CCDC102B: variants seen among roughly 807,000 people sequenced by gnomAD.
CCDC102B encodes coiled-coil domain containing 102B.
Under a neutral mutation model 57.4 loss-of-function variants are expected in CCDC102B, and 75 were observed. The observed-to-expected ratio is 1.31, with a 90% CI of 1.08 to 1.58. CCDC102B has a LOEUF of 1.58. CCDC102B is among the 40% of genes most tolerant of loss of function. The probability of loss-of-function intolerance (pLI) is 0.00; values close to 1 mark genes in which losing one functional copy is unlikely to be tolerated. For missense variants in CCDC102B, 636 were observed against 582.6 expected, an observed-to-expected ratio of 1.09 and a Z score of -0.94; for synonymous variants, 206 against 201.9, an observed-to-expected ratio of 1.02 and a Z score of -0.17.
chr18:68,920,418 G>T (rs1167926661), intron 6 of CCDC102B, among the ~76,000 whole-genome samples: 1 of 152,118 alleles, frequency 6.6e-6, no homozygotes, highest in African/African-American at 2.4e-5. Context: ...ATTATTAAAA[G>T]ACATTAGGTC....
chr18:68,949,272 A>G (rs1441149251), intron 6 of CCDC102B, among the ~76,000 whole-genome samples: 1 of 152,152 alleles, frequency 6.6e-6, no homozygotes, highest in Non-Finnish European at 1.5e-5. Context: ...TTGACACTCA[A>G]TATTAACCAT....
At chr18:69,025,961 G>A (rs765280582) in intron 7 of CCDC102B, among the ~76,000 whole-genome samples, 1 of 152,120 alleles carries the variant, frequency 6.6e-6, no homozygotes, top group African/African-American at 2.4e-5. Context: ...TACAAGGGGT[G>A]CCTATGTGAG....
chr18:68,747,979 C>T (rs1180997145), intron 2 of CCDC102B, among the ~76,000 whole-genome samples: 2 of 152,090 alleles, frequency 1.3e-5, no homozygotes, highest in Non-Finnish European at 2.9e-5. Flanking sequence ...TAAATTTCCA[C>T]CAACACTGTT....
In CCDC102B at chr18:68,761,246, T is replaced by C. The variant is rs550369682; in HGVS notation, c.-67+44652T>C. Among the ~76,000 whole-genome samples, 14 of 152,282 alleles carry C rather than the reference T, an allele frequency of 9.2e-5. No homozygotes were observed. In the South Asian group the frequency reaches 2.7e-3, roughly 29 times the overall value. On this transcript the variant is annotated intron_variant, in intron 2 of 3. Transcript: ENST00000578970. ...CGATATGTATTATTTTTATTTTCTCTAATTATACATTTTTAAACATTCGTC... is the reference window on the plus strand; with the variant it reads ...CGATATGTATTATTTTTATTTTCTCCAATTATACATTTTTAAACATTCGTC...
rs189568294 is a variant in CCDC102B, at chr18:68,765,328, A to G, written c.-67+48734A>G. ...AGGAAGGAAGGAAGGAAGGAAGGAA[A>G]GAAAGAAAGAAAGAAAGAAAGAAAG... is the stretch of plus-strand genomic sequence containing the variant. On this transcript the variant is annotated intron_variant, in intron 2 of 3. Coordinates refer to the CCDC102B transcript ENST00000578970. Among the ~76,000 whole-genome samples, 665 of 70,122 alleles carry G rather than the reference A, an allele frequency of 9.5e-3. 6 individuals are homozygous for G. The highest frequency in any genetic ancestry group is 0.017 in the African/African-American group (350 of 20,942). 46.0% of individuals were successfully genotyped at this position (70,122 alleles called of 152,430 possible).
At chr18:68,869,923 T>C (rs1003489129) in intron 4 of CCDC102B, among the ~76,000 whole-genome samples, 1 of 152,166 alleles carries the variant, frequency 6.6e-6, no homozygotes, top group Non-Finnish European at 1.5e-5. Context: ...AAGGGTCCAG[T>C]TTCAGTTTTC....
intron 4 of CCDC102B, among the ~76,000 whole-genome samples, chr18:68,873,486 G>T (rs1376438728): frequency 6.6e-6 from 1 of 151,944 alleles, no homozygotes; most frequent in Non-Finnish European, 1.5e-5. Context: ...AATGCATTTG[G>T]CAAGAACTTT....
intron 2 of CCDC102B, among the ~76,000 whole-genome samples, chr18:68,752,848 T>A (rs1007038639): frequency 6.4e-4 from 98 of 152,288 alleles, no homozygotes; most frequent in African/African-American, 2.3e-3. Flanking sequence ...GTATATTTCT[T>A]ATTACTCAAC....
chr18:68,888,546 T>C lies in CCDC102B; in HGVS notation c.1054-8673T>C, dbSNP rs142858998. 3.4e-3 allele frequency among the ~76,000 whole-genome samples: 523 copies of C among 152,290 alleles called. 2 individuals carry two copies. The highest frequency in any genetic ancestry group is 0.012 in the African/African-American group (482 of 41,552). On this transcript the variant is annotated intron_variant, in intron 5 of 7. Coordinates refer to ENST00000360242, the MANE Select transcript of CCDC102B (RefSeq NM_024781.3). ...TGTTTAGCAGTACTCCTGGTTTCTATCCACCAGATGCCAGTAGTACTTCTT... is the reference window on the plus strand; with the variant it reads ...TGTTTAGCAGTACTCCTGGTTTCTACCCACCAGATGCCAGTAGTACTTCTT...
intron 1 of CCDC102B, among the ~76,000 whole-genome samples, chr18:68,827,230 CAAGA>C (rs950506992): frequency 6.6e-6 from 1 of 151,916 alleles, no homozygotes; most frequent in African/African-American, 2.4e-5. Context: ...CATCAAAAAA[CAAGA>C]AAGAACAATC....
In CCDC102B at chr18:68,738,993, C is replaced by CTT. The variant is rs201214278; in HGVS notation, c.-67+22402_-67+22403dup. ...GGCCATTGGACTGTAGATGAGCAGCCTTTTGTTTTTTTTTTTTTTAGACCA... is the reference window on the plus strand; with the variant it reads ...GGCCATTGGACTGTAGATGAGCAGCCTTTTTTGTTTTTTTTTTTTTTAGACCA... On this transcript the variant is annotated intron_variant, in intron 2 of 3. Coordinates refer to the CCDC102B transcript ENST00000578970. Among the ~76,000 whole-genome samples, 17 of 145,030 alleles carry CTT rather than the reference C, an allele frequency of 1.2e-4. 1 individual carries two copies. Among genetic ancestry groups the CTT allele is most frequent in the African/African-American group, 3.2e-4 (12 of 37,978 alleles).
chr18:68,907,810 T>C (rs2145058773), intron 6 of CCDC102B, among the ~76,000 whole-genome samples: 1 of 152,310 alleles, frequency 6.6e-6, no homozygotes, highest in East Asian at 1.9e-4. Flanking sequence ...TTGCTAAAAC[T>C]TCTAGTACAA....
chr18:68,910,918 AG>A (rs1555724907), intron 6 of CCDC102B, among the ~76,000 whole-genome samples: 1 of 31,250 alleles, frequency 3.2e-5, no homozygotes, highest in South Asian at 1.1e-3. Context: ...GTTACTAAAA[AG>A]GGGGAAAAAA....
At chr18:68,748,341 T>C (rs2033712707) in intron 2 of CCDC102B, among the ~76,000 whole-genome samples, 1 of 151,620 alleles carries the variant, frequency 6.6e-6, no homozygotes, top group Non-Finnish European at 1.5e-5. Flanking sequence ...CCAGATACAA[T>C]TGAGGATTTT....
intron 6 of CCDC102B, among the ~76,000 whole-genome samples, chr18:68,915,257 T>A (rs2041028294): frequency 6.6e-6 from 1 of 152,180 alleles, no homozygotes; most frequent in Non-Finnish European, 1.5e-5. Context: ...ATGTGAGAAG[T>A]CTTCCCCGCC....
Position 68,825,786 on chromosome 18 carries a change from G to GA in CCDC102B, c.-15-10959dup, listed in dbSNP as rs541884644. ...GTTCATCTTTGCATACCCCTCAGTGGAAAATCATGCAATGAATTAAATGCA... is the reference window on the plus strand; with the variant it reads ...GTTCATCTTTGCATACCCCTCAGTGGAAAAATCATGCAATGAATTAAATGCA... On this transcript the variant is annotated intron_variant, in intron 1 of 7. Coordinates refer to ENST00000360242, the MANE Select transcript of CCDC102B (RefSeq NM_024781.3). Among the ~76,000 whole-genome samples the GA allele has an allele frequency of 1.3e-3, 199 of 152,240 alleles. 1 individual carries two copies. Among genetic ancestry groups the GA allele is most frequent in the Middle Eastern group, 6.8e-3 (2 of 294 alleles).
intron 7 of CCDC102B, among the ~76,000 whole-genome samples, chr18:69,047,716 G>A (rs58284165): frequency 0.02 from 3,096 of 152,054 alleles, 101 homozygotes; most frequent in African/African-American, 0.07. Flanking sequence ...ATCAATGTAC[G>A]GTAATCAGTA....
intron 6 of CCDC102B, among the ~76,000 whole-genome samples, chr18:68,901,692 A>G (rs2145036081): frequency 6.6e-6 from 1 of 152,322 alleles, no homozygotes; most frequent in East Asian, 1.9e-4. Context: ...GCAAATTCTC[A>G]GAGTGCCCCT....
intron 1 of CCDC102B, among the ~76,000 whole-genome samples, chr18:68,811,467 T>C (rs2036261700): frequency 6.6e-6 from 1 of 152,078 alleles, no homozygotes; most frequent in Non-Finnish European, 1.5e-5. Context: ...ATACAAAAAT[T>C]AGCTGGGTGT....
Sources: allele counts gnomAD v4.1 joint callset (sites outside exome capture counted in the v4.1 genomes callset), GRCh38; gene constraint gnomAD v4.1.1; transcripts MANE v1.5; gene names NCBI Gene and HGNC (gene_info 2026-07-23, HGNC 2026-07-21).